The following SORCS1 variants were observed in gnomAD, a reference collection of about 807,000 sequenced individuals.
SORCS1 encodes the protein sortilin related VPS10 domain containing receptor 1.
Under a neutral mutation model 146.1 loss-of-function variants are expected in SORCS1, and 60 were observed. That is an observed-to-expected ratio of 0.41 (90% CI 0.33 to 0.51). The LOEUF (loss-of-function observed/expected upper bound fraction) is 0.51, where lower values mean the gene tolerates loss of function less well. SORCS1 is among the 20% of genes least tolerant of loss of function. The pLI, the probability that SORCS1 is intolerant of heterozygous loss-of-function variation, is 0.21. For synonymous variants in SORCS1, 637 were observed against 584.0 expected (o/e 1.09, Z -1.31); for missense variants, 1,352 against 1,487.6 (o/e 0.91, Z 1.50).
At chr10:107,028,661 C>T (rs982914367) in intron 1 of SORCS1, among the ~76,000 whole-genome samples, 5 of 152,164 alleles carry the variant, frequency 3.3e-5, no homozygotes, top group African/African-American at 1.2e-4. Flanking sequence ...GGAACCCCTT[C>T]ATAATTCAAT....
chr10:106,861,651 G>A (rs1392622167), intron 2 of SORCS1, among the ~76,000 whole-genome samples: 1 of 152,082 alleles, frequency 6.6e-6, no homozygotes, highest in Admixed American at 6.6e-5. Context: ...AAGCACTTTG[G>A]GATGCCAAGG....
At chr10:106,817,362 C>G (rs908953144) in intron 3 of SORCS1, among the ~76,000 whole-genome samples, 3 of 152,066 alleles carry the variant, frequency 2.0e-5, no homozygotes, top group African/African-American at 7.2e-5. Flanking sequence ...GAATTTGGGC[C>G]CTTTTTAGAA....
chr10:106,666,522 G>C (rs552879109), intron 17 of SORCS1, among the ~76,000 whole-genome samples: 1 of 150,712 alleles, frequency 6.6e-6, no homozygotes, highest in African/African-American at 2.5e-5. Context: ...CTCCATAATC[G>C]AATGAGCCAA....
chr10:106,795,751 AAG>A (rs1946524764), intron 3 of SORCS1, among the ~76,000 whole-genome samples: 1 of 152,198 alleles, frequency 6.6e-6, no homozygotes, highest in Non-Finnish European at 1.5e-5. Flanking sequence ...AGAATTAAGA[AAG>A]AGATTGAATG....
intron 1 of SORCS1, among the ~76,000 whole-genome samples, chr10:107,036,902 T>C (rs1366340654): frequency 6.6e-6 from 1 of 152,236 alleles, no homozygotes; most frequent in Non-Finnish European, 1.5e-5. Context: ...CTTCTATTTA[T>C]AAAGAAGGCT....
chr10:106,735,269 T>C (rs532166579), intron 5 of SORCS1, among the ~76,000 whole-genome samples: 48 of 152,312 alleles, frequency 3.2e-4, no homozygotes, highest in African/African-American at 1.2e-3. Context: ...AGATCAATTA[T>C]ATGAATAAAT....
intron 1 of SORCS1, among the ~76,000 whole-genome samples, chr10:107,004,427 G>A (rs1645272177): frequency 6.6e-6 from 1 of 152,182 alleles, no homozygotes; most frequent in South Asian, 2.1e-4. Flanking sequence ...TCATGGTGGA[G>A]AGAAAAAGAA....
intron 1 of SORCS1, among the ~76,000 whole-genome samples, chr10:107,084,108 T>C (rs1281488092): frequency 3.4e-5 from 5 of 148,620 alleles, no homozygotes; most frequent in South Asian, 2.2e-4. Context: ...TTTTTTTTTT[T>C]TTTTTGAGAC....
chr10:107,179,166 TA>T, the SORCS1 span, among the ~76,000 whole-genome samples: 3 of 152,214 alleles, frequency 2.0e-5, no homozygotes, highest in Non-Finnish European at 4.4e-5. Context: ...CTAACTGCAA[TA>T]AGATGATGTC....
intron 1 of SORCS1, among the ~76,000 whole-genome samples, chr10:107,008,496 T>G (rs1380446917): frequency 6.6e-6 from 1 of 152,216 alleles, no homozygotes; most frequent in Non-Finnish European, 1.5e-5. Context: ...ATGAAAGATG[T>G]TCCCACAACA....
intron 1 of SORCS1, among the ~76,000 whole-genome samples, chr10:107,109,063 G>C (rs1965501751): frequency 6.6e-6 from 1 of 152,324 alleles, no homozygotes; most frequent in Non-Finnish European, 1.5e-5. Flanking sequence ...TTGTGGCTTT[G>C]CAGGGTTCAG....
intron 5 of SORCS1, among the ~76,000 whole-genome samples, chr10:106,756,186 C>T (rs1858626862): frequency 6.6e-6 from 1 of 151,594 alleles, no homozygotes. Context: ...ACTGCTGTCA[C>T]AAAATGGGGA....
chr10:106,978,496 T>C (rs1033846600), intron 1 of SORCS1, among the ~76,000 whole-genome samples: 2 of 152,108 alleles, frequency 1.3e-5, no homozygotes, highest in Non-Finnish European at 2.9e-5. Context: ...GTATTAAAGT[T>C]TTTCTTAAAA....
At chr10:106,923,185 G>A (rs1952808051) in intron 2 of SORCS1, among the ~76,000 whole-genome samples, 3 of 152,152 alleles carry the variant, frequency 2.0e-5, no homozygotes, top group African/African-American at 4.8e-5. Flanking sequence ...CACCAGGTCC[G>A]GCCAACCATG....
intron 3 of SORCS1, among the ~76,000 whole-genome samples, chr10:106,824,925 G>C (rs1234531049): frequency 6.6e-6 from 1 of 152,020 alleles, no homozygotes; most frequent in East Asian, 1.9e-4. Flanking sequence ...AGTGTGAAGG[G>C]GGTGCAGAAA....
intron 5 of SORCS1, among the ~76,000 whole-genome samples, chr10:106,752,043 G>C (rs1454714868): frequency 6.6e-6 from 1 of 152,124 alleles, no homozygotes; most frequent in Non-Finnish European, 1.5e-5. Flanking sequence ...CTAAAAATAA[G>C]ACTTTGTAGC....
chr10:107,105,411 G>T (rs941039883), intron 1 of SORCS1, among the ~76,000 whole-genome samples: 14 of 152,178 alleles, frequency 9.2e-5, no homozygotes, highest in African/African-American at 2.2e-4. Context: ...ACGATCATAA[G>T]GTGAAGTCCC....
chr10:106,615,274 C>T (rs1474146556), intron 21 of SORCS1, among the ~76,000 whole-genome samples: 4 of 152,146 alleles, frequency 2.6e-5, no homozygotes, highest in African/African-American at 9.7e-5. Context: ...AGATAGCACC[C>T]CTCCCTATCT....
At chr10:107,174,435 C>G in the SORCS1 span, among the ~76,000 whole-genome samples, 1 of 152,120 alleles carries the variant, frequency 6.6e-6, no homozygotes, top group Non-Finnish European at 1.5e-5. Flanking sequence ...GTCTCGATCT[C>G]CTGACCTCGT....
Sources: gnomAD v4.1 joint callset for allele counts (sites outside exome capture counted in the v4.1 genomes callset) on GRCh38, gnomAD v4.1.1 for gene constraint, MANE v1.5 for transcripts, NCBI Gene and HGNC (gene_info 2026-07-23, HGNC 2026-07-21) for gene names.